Variants in PPP1R9A observed in about 807,000 individuals in gnomAD.
The protein encoded by PPP1R9A is neurabin-1.
Under a neutral mutation model 141.9 loss-of-function variants are expected in PPP1R9A, and 59 were observed. The observed-to-expected ratio is 0.42, with a 90% CI of 0.34 to 0.52. The LOEUF (loss-of-function observed/expected upper bound fraction) is 0.52, where lower values mean the gene tolerates loss of function less well. PPP1R9A is among the 20% of genes least tolerant of loss of function. PPP1R9A has a pLI of 0.10. For missense variants in PPP1R9A, 1,444 were observed against 1,611.9 expected, an observed-to-expected ratio of 0.90 and a Z score of 1.78; for synonymous variants, 500 against 569.7, an observed-to-expected ratio of 0.88 and a Z score of 1.74.
At chr7:95,249,006 A>G (rs1305198295) in intron 9 of PPP1R9A, among the ~76,000 whole-genome samples, 2 of 152,150 alleles carry the variant, frequency 1.3e-5, no homozygotes, top group African/African-American at 2.4e-5. Flanking sequence ...AAGGCATATA[A>G]AGTAGATAAA....
At chr7:95,099,867 G>T (rs1477093372) in intron 2 of PPP1R9A, among the ~76,000 whole-genome samples, 3 of 151,924 alleles carry the variant, frequency 2.0e-5, no homozygotes, top group Non-Finnish European at 4.4e-5. Flanking sequence ...CCAATAAATG[G>T]TACCAATTAT....
chr7:95,177,650 A>T (rs1833096117), intron 5 of PPP1R9A, among the ~76,000 whole-genome samples: 1 of 152,134 alleles, frequency 6.6e-6, no homozygotes, highest in South Asian at 2.1e-4. Context: ...CACCTAACAC[A>T]TAAAGACTCA....
At chr7:95,138,736 C>G (rs1826117770) in intron 4 of PPP1R9A, among the ~76,000 whole-genome samples, 2 of 152,300 alleles carry the variant, frequency 1.3e-5, no homozygotes, top group East Asian at 3.9e-4. Flanking sequence ...AAACTTATGA[C>G]TGGCCAATAG....
At chr7:95,072,972 T>TATAATA (rs1254912975) in intron 2 of PPP1R9A, among the ~76,000 whole-genome samples, 1 of 131,834 alleles carries the variant, frequency 7.6e-6, no homozygotes, top group African/African-American at 2.9e-5. Context: ...TTATATATAA[T>TATAATA]ATAATAATAA....
intron 7 of PPP1R9A, among the ~76,000 whole-genome samples, chr7:95,218,548 G>C (rs1024752705): frequency 6.6e-6 from 1 of 152,104 alleles, no homozygotes; most frequent in Non-Finnish European, 1.5e-5. Context: ...TCGTTGATCT[G>C]TCTAATGTTG....
chr7:94,925,723 A>G (rs1793393916), intron 2 of PPP1R9A, among the ~76,000 whole-genome samples: 1 of 152,148 alleles, frequency 6.6e-6, no homozygotes, highest in Non-Finnish European at 1.5e-5. Flanking sequence ...GTAGGTACAC[A>G]GTTGGTGTTA....
intron 5 of PPP1R9A, among the ~76,000 whole-genome samples, chr7:95,171,706 A>G (rs1392668446): frequency 6.6e-6 from 1 of 151,656 alleles, no homozygotes; most frequent in Non-Finnish European, 1.5e-5. Context: ...TCTTAAAAAG[A>G]AAATTGTTTG....
At chr7:95,207,668 T>C (rs1791121395) in intron 7 of PPP1R9A, among the ~76,000 whole-genome samples, 1 of 152,102 alleles carries the variant, frequency 6.6e-6, no homozygotes, top group African/African-American at 2.4e-5. Flanking sequence ...AAGAAATAAA[T>C]TGTAAAGAAA....
At chr7:95,204,789 CACACCACACAT>C (rs1563412501) in intron 7 of PPP1R9A, among the ~76,000 whole-genome samples, 1 of 147,722 alleles carries the variant, frequency 6.8e-6, no homozygotes, top group East Asian at 2.0e-4. Flanking sequence ...ACACCACACA[CACACCACACAT>C]GCCCACACAC....
Position 95,178,974 on chromosome 7 carries a change from T to C in PPP1R9A, c.1754+17003T>C, listed in dbSNP as rs146555562. On this transcript the variant is annotated intron_variant, in intron 5 of 19. Coordinates refer to ENST00000433360, the MANE Select transcript of PPP1R9A (RefSeq NM_001166160.2). The stretch of plus-strand genomic sequence containing the variant: ...CAAAGAAGAATTGGTACCAATCCTA[T>C]TGACACAATTCCAGATAGAGAAAGA... Among the ~76,000 whole-genome samples, 1,170 of 152,128 alleles carry C rather than the reference T, an allele frequency of 7.7e-3. 28 individuals carry two copies. Among genetic ancestry groups the C allele is most frequent in the Admixed American group, 0.041 (625 of 15,254 alleles).
At chr7:95,067,271 G>A (rs1457764724) in intron 2 of PPP1R9A, among the ~76,000 whole-genome samples, 1 of 152,166 alleles carries the variant, frequency 6.6e-6, no homozygotes, top group Admixed American at 6.5e-5. Context: ...GAGATGTGAA[G>A]GGAATTCCCA....
chr7:95,256,725 TA>T (rs1249018539), intron 12 of PPP1R9A, among the ~76,000 whole-genome samples: 3 of 152,052 alleles, frequency 2.0e-5, no homozygotes, highest in African/African-American at 7.2e-5. Flanking sequence ...TTGAATACAT[TA>T]AAAAACTCGA....
At chr7:95,209,238 G>A (rs1010108990) in intron 7 of PPP1R9A, among the ~76,000 whole-genome samples, 2 of 152,088 alleles carry the variant, frequency 1.3e-5, no homozygotes, top group African/African-American at 4.8e-5. Flanking sequence ...TGATTATGTG[G>A]ATATAAAATG....
chr7:95,238,486 C>A (rs1473688355), intron 8 of PPP1R9A, among the ~76,000 whole-genome samples: 1 of 152,128 alleles, frequency 6.6e-6, no homozygotes, highest in African/African-American at 2.4e-5. Flanking sequence ...GGTTACTGTA[C>A]TCTCCTGCTT....
At chr7:94,922,826 ATTAC>A (rs1016723963) in intron 2 of PPP1R9A, among the ~76,000 whole-genome samples, 2 of 152,184 alleles carry the variant, frequency 1.3e-5, no homozygotes, top group African/African-American at 4.8e-5. Flanking sequence ...ATAAGCATGT[ATTAC>A]TTCTTTAATT....
At chr7:95,255,615 G>T (rs565843569) in intron 12 of PPP1R9A, among the ~76,000 whole-genome samples, 1 of 152,240 alleles carries the variant, frequency 6.6e-6, no homozygotes, top group East Asian at 1.9e-4. Context: ...ATACTGCAAG[G>T]TATATGATTT....
chr7:94,966,954 T>A (rs1294751200), intron 2 of PPP1R9A, among the ~76,000 whole-genome samples: 1 of 152,202 alleles, frequency 6.6e-6, no homozygotes, highest in African/African-American at 2.4e-5. Flanking sequence ...CTGGGCTTTT[T>A]TTCGTTGGTA....
At chr7:94,952,696 C>G (rs1414560207) in intron 2 of PPP1R9A, among the ~76,000 whole-genome samples, 2 of 152,176 alleles carry the variant, frequency 1.3e-5, no homozygotes, top group African/African-American at 4.8e-5. Context: ...TTGCATTTCT[C>G]TAATGACCAG....
rs1487559691 is a variant in PPP1R9A, at chr7:95,288,537, T to C, written c.3731T>C (p.Ile1244Thr). 1 of 1,613,710 alleles carries C rather than the reference T, an allele frequency of 6.2e-7. No individual in the cohort carries two copies. Among genetic ancestry groups the C allele is most frequent in the Admixed American group, 1.7e-5 (1 of 59,956 alleles). Reference sequence around the variant, plus strand: ...CACTACGTAACATTCCTATCTTAGATCCTTGATGATGGACAGTCTCCCAAA... The same window carrying C: ...CACTACGTAACATTCCTATCTTAGACCCTTGATGATGGACAGTCTCCCAAA... ...SQSLALSSDEILDDGQSPKHS... is the reference protein window; with the variant it reads ...SQSLALSSDETLDDGQSPKHS... Residue 1244 changes from isoleucine to threonine, a missense_variant and splice_region_variant, in exon 19 of 20, where the codon ATC becomes ACC. Physicochemically the swap from Ile to Thr is moderately conservative, Grantham distance 89. Transcript: ENST00000433360.
Sources: gnomAD v4.1 joint callset for allele counts (sites outside exome capture counted in the v4.1 genomes callset) on GRCh38, gnomAD v4.1.1 for gene constraint, MANE v1.5 for transcripts, NCBI Gene and HGNC (gene_info 2026-07-23, HGNC 2026-07-21) for gene names.